GLIS3: variants seen among roughly 807,000 people sequenced by gnomAD.
The protein encoded by GLIS3 is GLIS family zinc finger 3, also known as zinc finger protein GLIS3.
In GLIS3, 53 loss-of-function variants were observed where a neutral mutation model predicts 78.6. The observed-to-expected ratio is 0.67, with a 90% CI of 0.54 to 0.85. The LOEUF (loss-of-function observed/expected upper bound fraction) is 0.85. Ranked by LOEUF, GLIS3 falls within the 40% of genes least tolerant of loss-of-function variation. The pLI is 0.00. For missense variants in GLIS3, 1,703 were observed against 1,231.1 expected, an observed-to-expected ratio of 1.38 and a Z score of -5.74; for synonymous variants, 684 against 509.9, an observed-to-expected ratio of 1.34 and a Z score of -4.60.
intron 2 of GLIS3, among the ~76,000 whole-genome samples, chr9:4,178,887 A>C (rs975943665): frequency 3.3e-5 from 5 of 152,220 alleles, no homozygotes; most frequent in Non-Finnish European, 2.9e-5. Context: ...AATATTAATA[A>C]ATTAAAAAAT....
chr9:4,349,045 T>C, upstream of GLIS3, among the ~76,000 whole-genome samples: 1 of 152,160 alleles, frequency 6.6e-6, no homozygotes, highest in Non-Finnish European at 1.5e-5. Context: ...AACTCAATAA[T>C]AATAAAATAA....
At position 4,162,653 on chromosome 9, in the gene GLIS3, G is replaced by A. The variant is rs369859042; in HGVS notation, c.389-36712C>T. On this transcript the variant is annotated intron_variant, in intron 2 of 10. Transcript: ENST00000381971. ...GGTGGGCAGATCACGAGGTCAGATC[G>A]AGACCATCCTGGCTAACACGGTGAA... Among the ~76,000 whole-genome samples, 40 of 151,990 alleles carry A rather than the reference G, an allele frequency of 2.6e-4. 2 individuals are homozygous for A. The highest frequency in any genetic ancestry group is 1.7e-3 in the East Asian group (9 of 5,150).
rs972589686 is a variant in GLIS3 at position 4,215,272 on chromosome 9, G to A, written c.388+70766C>T. 7.2e-5 allele frequency among the ~76,000 whole-genome samples: 11 copies of A among 152,244 alleles called. No individual in the cohort carries two copies. In the East Asian group the frequency reaches 7.7e-4, roughly 11 times the overall value. On this transcript the variant is annotated intron_variant, in intron 2 of 10. Coordinates refer to ENST00000381971, the MANE Select transcript of GLIS3 (RefSeq NM_001042413.2). ...ACTGGTCTAAACATCCACATGCACC[G>A]TTATTGGCCACAGTTTTGCCTGTGA...
chr9:4,139,787 T>G (rs1353689618), intron 2 of GLIS3, among the ~76,000 whole-genome samples: 2 of 152,156 alleles, frequency 1.3e-5, no homozygotes, highest in Non-Finnish European at 2.9e-5. Context: ...CAGTTCACTA[T>G]GGGGTTTCTG....
the GLIS3 span, among the ~76,000 whole-genome samples, chr9:4,473,344 G>T: frequency 6.6e-6 from 1 of 151,766 alleles, no homozygotes; most frequent in African/African-American, 2.4e-5. Flanking sequence ...TACTCAGGAG[G>T]CTGAGGCAGG....
At chr9:4,119,017 C>T in intron 3 of GLIS3, 136 bp from the exon 4 acceptor site, 1 of 913,540 alleles carries the variant, frequency 1.1e-6, no homozygotes, top group Non-Finnish European at 1.6e-6. Flanking sequence ...GCTAAACACA[C>T]ATTCTTGGGC....
At chr9:4,436,557 C>T in the GLIS3 span, among the ~76,000 whole-genome samples, 1 of 152,078 alleles carries the variant, frequency 6.6e-6, no homozygotes, top group African/African-American at 2.4e-5. Flanking sequence ...GTAATCCCAG[C>T]ACTTTGGGAG....
At chr9:4,474,017 C>T in the GLIS3 span, among the ~76,000 whole-genome samples, 1 of 131,162 alleles carries the variant, frequency 7.6e-6, no homozygotes. Context: ...GATGTCAGTT[C>T]CCCCCTAAAG....
chr9:4,268,265 C>T (rs1826198355), intron 2 of GLIS3, among the ~76,000 whole-genome samples: 1 of 152,148 alleles, frequency 6.6e-6, no homozygotes, highest in Admixed American at 6.5e-5. Flanking sequence ...GTACCCACTC[C>T]ACTGGGTTTT....
chr9:4,430,742 C>CA, the GLIS3 span, among the ~76,000 whole-genome samples: 346 of 148,216 alleles, frequency 2.3e-3, 2 homozygotes, highest in African/African-American at 4.4e-3. Flanking sequence ...ATTCTCCTTT[C>CA]AAAAAAAAAA....
chr9:4,029,921 C>G (rs1563964956), intron 4 of GLIS3, among the ~76,000 whole-genome samples: 1 of 152,166 alleles, frequency 6.6e-6, no homozygotes, highest in Non-Finnish European at 1.5e-5. Context: ...GCAGATATCT[C>G]TTCAATATAC....
the GLIS3 span, among the ~76,000 whole-genome samples, chr9:4,446,813 AAATT>A: frequency 6.6e-6 from 1 of 151,728 alleles, no homozygotes; most frequent in Admixed American, 6.6e-5. Flanking sequence ...GCCTGGTCCC[AAATT>A]CTTTCTCATG....
In GLIS3 at chr9:3,877,920, A is replaced by G. The variant is rs1000812000; in HGVS notation, c.2297+1507T>C. On this transcript the variant is annotated intron_variant, in intron 8 of 10. Coordinates refer to ENST00000381971, the MANE Select transcript of GLIS3 (RefSeq NM_001042413.2). ...GTTTCTCTCTTAACAAAGAGCCTAT[A>G]ATGGTTCTTCACTCCTAGCAGGATA... is the stretch of plus-strand genomic sequence containing the variant. Among the ~76,000 whole-genome samples the G allele has an allele frequency of 2.3e-4, 35 of 152,128 alleles. 2 individuals are homozygous for G. The highest frequency in any genetic ancestry group is 1.9e-3 in the Admixed American group (29 of 15,254).
At chr9:4,436,423 T>G in the GLIS3 span, among the ~76,000 whole-genome samples, 2 of 152,114 alleles carry the variant, frequency 1.3e-5, no homozygotes, top group African/African-American at 4.8e-5. Flanking sequence ...CAAAGTGAAT[T>G]CAATCTCTGT....
intron 6 of GLIS3, among the ~76,000 whole-genome samples, chr9:3,928,573 G>C (rs1485660612): frequency 6.6e-6 from 1 of 152,168 alleles, no homozygotes; most frequent in Non-Finnish European, 1.5e-5. Flanking sequence ...GAGAGGTGGT[G>C]GTGGCTCTGA....
chr9:4,294,072 T>G (rs1291175285), intron 1 of GLIS3, among the ~76,000 whole-genome samples: 1 of 152,216 alleles, frequency 6.6e-6, no homozygotes, highest in Non-Finnish European at 1.5e-5. Flanking sequence ...TTTTGTTCTC[T>G]TTTCCCCCAA....
intron 5 of GLIS3, among the ~76,000 whole-genome samples, chr9:3,935,595 C>T (rs1194540205): frequency 6.6e-6 from 1 of 152,186 alleles, no homozygotes; most frequent in East Asian, 1.9e-4. Context: ...AGCAATTTCT[C>T]AAGACAATCT....
the GLIS3 span, among the ~76,000 whole-genome samples, chr9:4,473,460 C>CAAAAAAAAAAAAA: frequency 4.2e-4 from 55 of 131,288 alleles, no homozygotes; most frequent in Middle Eastern, 8.1e-3. Context: ...ACAACAACAA[C>CAAAAAAAAAAAAA]AAAAAAAAAG....
the GLIS3 span, among the ~76,000 whole-genome samples, chr9:4,404,827 C>G: frequency 5.9e-5 from 9 of 152,074 alleles, no homozygotes; most frequent in African/African-American, 1.9e-4. Context: ...CAGGAACAAA[C>G]TGAACCCAAA....
Sources: gnomAD v4.1 joint callset for allele counts (sites outside exome capture counted in the v4.1 genomes callset) on GRCh38, gnomAD v4.1.1 for gene constraint, MANE v1.5 for transcripts, NCBI Gene and HGNC (gene_info 2026-07-23, HGNC 2026-07-21) for gene names.